Variants in BFSP2 observed in about 807,000 individuals in gnomAD.
The protein encoded by BFSP2 is phakinin.
Under a neutral mutation model 44.9 loss-of-function variants are expected in BFSP2, and 38 were observed. The observed-to-expected ratio is 0.85, with a 90% CI of 0.65 to 1.11. The LOEUF (loss-of-function observed/expected upper bound fraction) is 1.11, where lower values mean the gene tolerates loss of function less well. Among genes scored for constraint, BFSP2 ranks in the 50% least tolerant of loss-of-function variants. The pLI, the probability that BFSP2 is intolerant of heterozygous loss-of-function variation, is 0.00. For synonymous variants in BFSP2, 197 were observed against 209.9 expected, an observed-to-expected ratio of 0.94 and a Z score of 0.53; for missense variants, 525 against 533.0, an observed-to-expected ratio of 0.99 and a Z score of 0.15.
chr3:133,417,227 CGT>C (rs2073544852), intron 1 of BFSP2, among the ~76,000 whole-genome samples: 1 of 142,522 alleles, frequency 7.0e-6, no homozygotes, highest in Non-Finnish European at 1.5e-5. Context: ...TCTACTTACC[CGT>C]GTCCTCTCCC....
At chr3:133,455,719 C>T (rs1271872339) in intron 4 of BFSP2, 1 of 152,190 alleles carries the variant, frequency 6.6e-6, no homozygotes, top group East Asian at 1.9e-4. Flanking sequence ...AAAACTCTGC[C>T]CCTCCCCAAA....
At chr3:133,448,447 T>C in intron 2 of BFSP2, 42 bp from the exon 3 acceptor site, 4 of 1,610,756 alleles carry the variant, frequency 2.5e-6, no homozygotes, top group Non-Finnish European at 3.4e-6. Context: ...TCTTTTTCTT[T>C]TGGGCTACTC....
At chr3:133,414,689 C>T in intron 1 of BFSP2, among the ~76,000 whole-genome samples, 1 of 139,524 alleles carries the variant, frequency 7.2e-6, no homozygotes, top group Non-Finnish European at 1.6e-5. Flanking sequence ...ACTCACCCTG[C>T]CATCTCTGCT....
At chr3:133,413,903 C>T (rs912581317) in intron 1 of BFSP2, among the ~76,000 whole-genome samples, 3 of 151,878 alleles carry the variant, frequency 2.0e-5, no homozygotes, top group Non-Finnish European at 4.4e-5. Flanking sequence ...AGAAAGCCCC[C>T]GCATTTCAGC....
chr3:133,408,769 C>G (rs553296357), intron 1 of BFSP2, among the ~76,000 whole-genome samples: 12 of 151,770 alleles, frequency 7.9e-5, no homozygotes, highest in African/African-American at 2.9e-4. Flanking sequence ...ATTCTACCAT[C>G]TAGCTAAGAA....
intron 1 of BFSP2, chr3:133,410,090 G>T: frequency 5.4e-6 from 1 of 184,654 alleles, no homozygotes; most frequent in Admixed American, 5.7e-5. Context: ...TAGCAAGGAA[G>T]ATAAGTTATC....
chr3:133,466,466 G>A (rs2074110273), intron 4 of BFSP2, among the ~76,000 whole-genome samples: 1 of 151,572 alleles, frequency 6.6e-6, no homozygotes, highest in Admixed American at 6.6e-5. Flanking sequence ...GATTACCTGA[G>A]GTCAGGAGTT....
At chr3:133,452,534 C>CT (rs2073975265) in intron 4 of BFSP2, among the ~76,000 whole-genome samples, 1 of 152,134 alleles carries the variant, frequency 6.6e-6, no homozygotes, top group South Asian at 2.1e-4. Context: ...GGTCCATTGC[C>CT]TTTTTTAACA....
chr3:133,472,311 T>C (rs2074169766), intron 5 of BFSP2, 34 bp from the exon 6 acceptor site: 1 of 1,589,710 alleles, frequency 6.3e-7, no homozygotes, highest in Non-Finnish European at 8.5e-7. Context: ...CGGCCTGTTG[T>C]CCTCGGGTTT....
At chr3:133,420,749 T>C (rs1186926014) in intron 1 of BFSP2, among the ~76,000 whole-genome samples, 1 of 152,156 alleles carries the variant, frequency 6.6e-6, no homozygotes, top group Non-Finnish European at 1.5e-5. Context: ...GGCTGGGGGC[T>C]GAGAGGTAAT....
chr3:133,469,653 G>A (rs998662151), intron 5 of BFSP2, among the ~76,000 whole-genome samples: 2 of 152,242 alleles, frequency 1.3e-5, no homozygotes, highest in African/African-American at 4.8e-5. Flanking sequence ...CTGCGTGGCT[G>A]ACTGAGCCAG....
intron 1 of BFSP2, among the ~76,000 whole-genome samples, chr3:133,407,400 A>G (rs2073413657): frequency 6.6e-6 from 1 of 152,226 alleles, no homozygotes; most frequent in Non-Finnish European, 1.5e-5. Context: ...AAGAAACACC[A>G]TGCACTCAAA....
intron 1 of BFSP2, among the ~76,000 whole-genome samples, chr3:133,441,932 T>G (rs2073849162): frequency 2.0e-5 from 3 of 149,346 alleles, no homozygotes; most frequent in African/African-American, 5.0e-5. Context: ...AAGGGAGGAG[T>G]GGGCCAGGCA....
intron 4 of BFSP2, among the ~76,000 whole-genome samples, chr3:133,459,851 T>G (rs752616835): frequency 1.4e-4 from 22 of 152,226 alleles, no homozygotes; most frequent in Non-Finnish European, 2.1e-4. Context: ...ATCCTCTTAA[T>G]GAAAAGGAGA....
chr3:133,448,030 G>A (rs1284338430), intron 2 of BFSP2, among the ~76,000 whole-genome samples: 1 of 152,208 alleles, frequency 6.6e-6, no homozygotes, highest in Non-Finnish European at 1.5e-5. Flanking sequence ...TGGGTTTGCA[G>A]CCACTCTCCT....
Position 133,445,457 on chromosome 3 carries a change from T to A in BFSP2, c.490-1860T>A, listed in dbSNP as rs2073888609. The A allele has an allele frequency of 1.3e-5, 2 of 152,210 alleles. 1 individual carries two copies. Among genetic ancestry groups the A allele is most frequent in the South Asian group, 4.1e-4 (2 of 4,824 alleles). 9.4% of individuals were successfully genotyped at this position (152,210 alleles called of 1,614,324 possible). ...AAACAGGAGCTGAAAAGTGCATTTC[T>A]CACAAGTTCCCAGGTGATGCTGCTG... is the stretch of plus-strand genomic sequence containing the variant. On this transcript the variant is annotated intron_variant, in intron 1 of 6. Transcript: ENST00000302334.
At chr3:133,446,930 T>C (rs1355029929) in intron 1 of BFSP2, among the ~76,000 whole-genome samples, 2 of 151,572 alleles carry the variant, frequency 1.3e-5, no homozygotes, top group Non-Finnish European at 2.9e-5. Context: ...TCACCAGCCT[T>C]CCAAAGGCAT....
intron 5 of BFSP2, among the ~76,000 whole-genome samples, chr3:133,469,209 G>A (rs146146467): frequency 1.7e-4 from 26 of 152,328 alleles, no homozygotes; most frequent in African/African-American, 4.8e-4. Flanking sequence ...GTAGATTATC[G>A]TTCTGGTCAC....
At chr3:133,425,927 T>A (rs866839982) in intron 1 of BFSP2, among the ~76,000 whole-genome samples, 30 of 11,878 alleles carry the variant, frequency 2.5e-3, no homozygotes, top group African/African-American at 3.2e-3. Context: ...AAGGGAAGGC[T>A]AGGGAAGGCA....
Sources: allele counts gnomAD v4.1 joint callset (sites outside exome capture counted in the v4.1 genomes callset), GRCh38; gene constraint gnomAD v4.1.1; transcripts MANE v1.5; gene names NCBI Gene and HGNC (gene_info 2026-07-23, HGNC 2026-07-21).